The following CACFD1 variants were observed in gnomAD, a reference collection of about 807,000 sequenced individuals.
The protein encoded by CACFD1 is calcium channel flower domain containing 1.
In CACFD1, 26 loss-of-function variants were observed where a neutral mutation model predicts 21.3. The ratio of observed to expected loss-of-function variants is 1.22; its 90% CI spans 0.89 to 1.69. The LOEUF (loss-of-function observed/expected upper bound fraction) is 1.69. Ranked by LOEUF, CACFD1 falls within the 40% of genes most tolerant of loss-of-function variation. The pLI is 0.00. For synonymous variants in CACFD1, 121 were observed against 106.6 expected (o/e 1.13, Z -0.83); for missense variants, 265 against 236.2 (o/e 1.12, Z -0.80).
At position 133,468,572 on chromosome 9, in the gene CACFD1, G is replaced by C. The variant is rs782073285; in HGVS notation, c.438G>C (p.Ala146=). The part of the protein sequence containing the change: ...GLSALGKKGD[A]ISYARIQQQR... ...CTCTCTCTCTCCCCAGGGGCGATGC[G>C]ATCTCCTATGCCAGGATCCAGCAGC... The change falls in exon 5 of 5, where the codon GCG becomes GCC. Residue 146 remains alanine (A), a synonymous_variant. Coordinates refer to ENST00000316948, the MANE Select transcript of CACFD1 (RefSeq NM_017586.5). 3.2e-6 allele frequency: 5 copies of C among 1,583,094 alleles called. No individual in the cohort carries two copies. Among genetic ancestry groups the C allele is most frequent in the Non-Finnish European group, 4.3e-6 (5 of 1,166,596 alleles).
rs587596004 is a variant in CACFD1, at chr9:133,468,571, C to T, written c.437C>T (p.Ala146Val). 1.5e-5 allele frequency: 24 copies of T among 1,582,110 alleles called. No homozygotes were observed. Among genetic ancestry groups the T allele is most frequent in the East Asian group, 2.3e-5 (1 of 43,920 alleles). ...GLSALGKKGD[A>V]ISYARIQQQR... ...CCTCTCTCTCTCCCCAGGGGCGATG[C>T]GATCTCCTATGCCAGGATCCAGCAG... The change falls in exon 5 of 5, where the codon GCG becomes GTG. Residue 146 changes from alanine to valine, a missense_variant. Ala to Val is a moderately conservative substitution (Grantham distance 64, BLOSUM62 0). Transcript: ENST00000316948.
In CACFD1 at chr9:133,469,336, G is replaced by A. The variant is rs34048304; in HGVS notation, c.*683G>A. 5,399 of 152,482 alleles carry A rather than the reference G, an allele frequency of 0.035. 114 individuals are homozygous for A. Among genetic ancestry groups the A allele is most frequent in the Middle Eastern group, 0.054 (16 of 298 alleles). 9.4% of individuals were successfully genotyped at this position (152,482 alleles called of 1,614,324 possible). On this transcript the variant is annotated 3_prime_UTR_variant, in exon 5 of 5. Coordinates refer to ENST00000316948, the MANE Select transcript of CACFD1 (RefSeq NM_017586.5). Reference sequence around the variant, plus strand: ...GGGCCTGCTGGGGCCCCTAGGTTCTGCCCATCACCCCCCGCCCCTGCTGGC... The same window carrying A: ...GGGCCTGCTGGGGCCCCTAGGTTCTACCCATCACCCCCCGCCCCTGCTGGC...
At chr9:133,466,783 A>G (rs1201018928) in intron 3 of CACFD1, among the ~76,000 whole-genome samples, 1 of 147,360 alleles carries the variant, frequency 6.8e-6, no homozygotes, top group Non-Finnish European at 1.5e-5. Flanking sequence ...GCATTTATCT[A>G]TTTGTTATCT....
rs781953761 is a variant in CACFD1, at chr9:133,468,636, C to A, written c.502C>A (p.Leu168Met). The change falls in exon 5 of 5, where the codon CTG becomes ATG. Residue 168 changes from leucine to methionine, a missense_variant. Transcript: ENST00000316948. The stretch of plus-strand genomic sequence containing the variant: ...GGATGAGGAGAAGCTCGCGGAGACC[C>A]TGGAGGGGGAGCTGTGAAGGGCTGG... ...QADEEKLAET[L>M]EGEL 2.5e-6 allele frequency: 4 copies of A among 1,580,292 alleles called. No homozygotes were observed. Among genetic ancestry groups the A allele is most frequent in the Non-Finnish European group, 3.4e-6 (4 of 1,166,068 alleles).
intron 3 of CACFD1, among the ~76,000 whole-genome samples, chr9:133,466,323 C>A (rs587623805): frequency 6.6e-6 from 1 of 152,222 alleles, no homozygotes; most frequent in Non-Finnish European, 1.5e-5. Flanking sequence ...CAATGTTACT[C>A]GAAGCCCGCT....
Position 133,467,676 on chromosome 9 carries a change from T to A in CACFD1, c.321-245T>A, listed in dbSNP as rs193281124. Among the ~76,000 whole-genome samples the A allele has an allele frequency of 2.6e-5, 4 of 152,346 alleles. No homozygotes were observed. The East Asian group carries it at 7.7e-4, about 29-fold the overall frequency. The stretch of plus-strand genomic sequence containing the variant: ...ACCATCTCGTTACTGTTTAGCTCTT[T>A]TTGGGATCACAGACCCCTTCAAAAA... On this transcript the variant is annotated intron_variant, in intron 3 of 4. Coordinates refer to ENST00000316948, the MANE Select transcript of CACFD1 (RefSeq NM_017586.5).
chr9:133,466,753 C>G (rs1036355275), intron 3 of CACFD1, among the ~76,000 whole-genome samples: 15 of 151,390 alleles, frequency 9.9e-5, no homozygotes, highest in East Asian at 3.9e-4. Flanking sequence ...CAGCCCAGGG[C>G]TGCACACCAC....
At chr9:133,461,564 T>C (rs956983180) in intron 1 of CACFD1, among the ~76,000 whole-genome samples, 4 of 152,234 alleles carry the variant, frequency 2.6e-5, no homozygotes, top group Non-Finnish European at 5.9e-5. Flanking sequence ...AGGTCCTGAC[T>C]ATGGCCTGTA....
At position 133,468,614 on chromosome 9, in the gene CACFD1, TGAG is replaced by T. The variant is rs1469957906; in HGVS notation, c.484_486del (p.Glu162del). 25 of 1,591,940 alleles carry T rather than the reference TGAG, an allele frequency of 1.6e-5. No individual in the cohort carries two copies. The highest frequency in any genetic ancestry group is 5.7e-5 in the South Asian group (5 of 87,106). On this transcript the variant is annotated inframe_deletion, in exon 5 of 5. Coordinates refer to ENST00000316948, the MANE Select transcript of CACFD1 (RefSeq NM_017586.5). Reference sequence around the variant, plus strand: ...TCCAGCAGCAGAGGCAGCAGGCGGATGAGGAGAAGCTCGCGGAGACCCTGGAGG... The same window carrying T: ...TCCAGCAGCAGAGGCAGCAGGCGGATGAGAAGCTCGCGGAGACCCTGGAGG...
At chr9:133,468,091 A>T in intron 4 of CACFD1, 63 bp downstream of exon 4, 1 of 1,377,760 alleles carries the variant, frequency 7.3e-7, no homozygotes, top group Non-Finnish European at 1.0e-6. Flanking sequence ...GAAGTCCTTC[A>T]GTGAGGAGGA....
intron 1 of CACFD1, chr9:133,462,344 G>A: frequency 1.6e-6 from 2 of 1,252,576 alleles, no homozygotes. Flanking sequence ...GATGTCTAAG[G>A]CTGTGCTGAG....
intron 4 of CACFD1, chr9:133,468,348 C>CTG (rs1352924629): frequency 1.7e-5 from 26 of 1,535,586 alleles, no homozygotes; most frequent in Non-Finnish European, 2.2e-5. Flanking sequence ...AGAGCCCAGA[C>CTG]TGAGGCTGGT....
At chr9:133,461,045 T>G (rs949024108) in intron 1 of CACFD1, among the ~76,000 whole-genome samples, 6 of 152,220 alleles carry the variant, frequency 3.9e-5, no homozygotes, top group African/African-American at 1.4e-4. Flanking sequence ...TGATACCCTT[T>G]CCTTTCCTGT....
At chr9:133,461,558 CCTGA>C (rs1843219455) in intron 1 of CACFD1, among the ~76,000 whole-genome samples, 1 of 152,194 alleles carries the variant, frequency 6.6e-6, no homozygotes, top group African/African-American at 2.4e-5. Flanking sequence ...AAGGAAAGGT[CCTGA>C]CTATGGCCTG....
rs999602290 is a variant in CACFD1, at chr9:133,460,459, A to G, written c.121+272A>G. Among the ~76,000 whole-genome samples, 597 of 69,822 alleles carry G rather than the reference A, an allele frequency of 8.6e-3. 5 individuals are homozygous for G. The highest frequency in any genetic ancestry group is 0.033 in the African/African-American group (542 of 16,188). 45.8% of individuals were successfully genotyped at this position (69,822 alleles called of 152,430 possible). ...CATTCCCGGAGGGACCAGAAACCCC[A>G]GGGCGGGGGGGCGGCGGGGGCGGGG... On this transcript the variant is annotated intron_variant, in intron 1 of 4. Coordinates refer to ENST00000316948, the MANE Select transcript of CACFD1 (RefSeq NM_017586.5).
In CACFD1 at chr9:133,460,041, T is replaced by TA; in HGVS notation, c.-26_-25insA. Reference sequence around the variant, plus strand: ...CGGCTACCGAGCCCTTTGTGAGGGCTGTGAGCTGCGCCTGACGGTGGCACC... The same window carrying TA: ...CGGCTACCGAGCCCTTTGTGAGGGCTAGTGAGCTGCGCCTGACGGTGGCACC... On this transcript the variant is annotated 5_prime_UTR_variant, in exon 1 of 5. Transcript: ENST00000316948. 1 of 1,539,018 alleles carries TA rather than the reference T, an allele frequency of 6.5e-7. No homozygotes were observed. The highest frequency in any genetic ancestry group is 8.7e-7 in the Non-Finnish European group (1 of 1,143,864).
At position 133,465,904 on chromosome 9, in the gene CACFD1, A is replaced by G. The variant is rs1554799450; in HGVS notation, c.320+457A>G. On this transcript the variant is annotated intron_variant, in intron 3 of 4. Transcript: ENST00000316948. The surrounding 1 kb of genome is among the most constrained non-coding windows in gnomAD (Gnocchi z 5.0). ...TGGTTGCCCTCTAAATACACTTGTT[A>G]AAAATTTTCCCATTTCTAACAATGA... 6.4e-6 allele frequency: 1 copy of G among 157,302 alleles called. No individual in the cohort carries two copies. The highest frequency in any genetic ancestry group is 1.4e-5 in the Non-Finnish European group (1 of 70,854). The allele number at this position is 157,302 out of a possible 1,614,324, so 9.7% of individuals were successfully genotyped here.
Position 133,465,280 on chromosome 9 carries a change from G to T in CACFD1, c.195-42G>T. ...ACTGGGGGCCGCCCTCATCCTCCTGGGATTGTCAGTCGCTGCTCTTCTCCT... is the reference window on the plus strand; with the variant it reads ...ACTGGGGGCCGCCCTCATCCTCCTGTGATTGTCAGTCGCTGCTCTTCTCCT... On this transcript the variant is annotated intron_variant, in intron 2 of 4. Coordinates refer to ENST00000316948, the MANE Select transcript of CACFD1 (RefSeq NM_017586.5). This position sits in a 1 kb window ranked among gnomAD's most constrained non-coding sequence, Gnocchi z 5.0. 6.2e-7 allele frequency: 1 copy of T among 1,611,674 alleles called. No individual in the cohort carries two copies.
In CACFD1 at chr9:133,468,645, G is replaced by GAGCT; in HGVS notation, c.512_515dup (p.Ter173AlafsTer54). On this transcript the variant is annotated frameshift_variant, in exon 5 of 5. Transcript: ENST00000316948. LOFTEE classifies it high-confidence loss of function. ...GAAGCTCGCGGAGACCCTGGAGGGG[G>GAGCT]AGCTGTGAAGGGCTGGGCGCCCCTC... The GAGCT allele has an allele frequency of 6.3e-7, 1 of 1,576,114 alleles. No individual in the cohort carries two copies. The highest frequency in any genetic ancestry group is 8.6e-7 in the Non-Finnish European group (1 of 1,163,794).
Sources: gnomAD v4.1 joint callset for allele counts (sites outside exome capture counted in the v4.1 genomes callset) on GRCh38, gnomAD v4.1.1 for gene constraint, Gnocchi (gnomAD v3.1) non-coding constraint, MANE v1.5 for transcripts, NCBI Gene and HGNC (gene_info 2026-07-23, HGNC 2026-07-21) for gene names.